ZNF600: variants seen among roughly 807,000 people sequenced by gnomAD.
ZNF600 encodes the protein zinc finger protein 600, also known as zinc finger protein KR-ZNF1.
ZNF600 carries 4 observed loss-of-function variants against 7.3 expected under a neutral mutation model. The ratio of observed to expected loss-of-function variants is 0.55; its 90% CI spans 0.27 to 1.25. The LOEUF is 1.25. Among genes scored for constraint, ZNF600 ranks in the 50% most tolerant of loss-of-function variants. ZNF600 has a pLI of 0.12. For missense variants in ZNF600, 911 were observed against 922.1 expected (o/e 0.99, Z 0.16); for synonymous variants, 290 against 308.9 (o/e 0.94, Z 0.64).
At chr19:52,789,305 C>T (rs2062785745), upstream of ZNF600, among the ~76,000 whole-genome samples, 2 of 152,224 alleles carry the variant, frequency 1.3e-5, no homozygotes, top group African/African-American at 4.8e-5. Context: ...GGGAGGAGGA[C>T]AGAGGCAGGA....
At chr19:52,807,894 A>C in the ZNF600 span, 1 of 1,525,152 alleles carries the variant, frequency 6.6e-7, no homozygotes, top group East Asian at 2.3e-5. Flanking sequence ...GAAGCTTTTC[A>C]TTTCAAAATC....
At chr19:52,778,883 T>A (rs529978647) in exon 2 of ZNF600, 1 of 1,604,526 alleles carries the variant, frequency 6.2e-7, no homozygotes. Context: ...CTTCTTCACA[T>A]AACATGAGTC....
the ZNF600 span, chr19:52,810,744 G>C: frequency 3.3e-6 from 2 of 602,302 alleles, no homozygotes; most frequent in Non-Finnish European, 5.8e-6. Flanking sequence ...GAAAAAAAGA[G>C]GAAAGAAGGG....
chr19:52,793,764 CCACACACACA>C, the ZNF600 span, among the ~76,000 whole-genome samples: 4,583 of 138,714 alleles, frequency 0.033, 101 homozygotes, highest in South Asian at 0.093. Context: ...CCAAACTCTG[CCACACACACA>C]CACACACACA....
the ZNF600 span, chr19:52,801,469 G>A: frequency 6.2e-7 from 1 of 1,614,154 alleles, no homozygotes; most frequent in Non-Finnish European, 8.5e-7. Flanking sequence ...CTTTGATCAT[G>A]TTGGCCTGTA....
chr19:52,821,929 T>TAA, the ZNF600 span, among the ~76,000 whole-genome samples: 2 of 92,152 alleles, frequency 2.2e-5, no homozygotes, highest in African/African-American at 7.6e-5. Context: ...AATAAAAAAA[T>TAA]AATAAAAAAA....
At chr19:52,807,538 T>A in the ZNF600 span, among the ~76,000 whole-genome samples, 1 of 152,178 alleles carries the variant, frequency 6.6e-6, no homozygotes, top group African/African-American at 2.4e-5. Context: ...CAGTGGTGTG[T>A]TCTCAGCTCA....
intron 1 of ZNF600, among the ~76,000 whole-genome samples, chr19:52,779,302 C>A (rs773088014): frequency 3.9e-5 from 6 of 152,228 alleles, no homozygotes; most frequent in Non-Finnish European, 7.3e-5. Context: ...ATGACAAGCA[C>A]CTGCGCCACT....
chr19:52,780,959 A>C (rs1216993135), intron 1 of ZNF600: 1 of 152,172 alleles, frequency 6.6e-6, no homozygotes. Flanking sequence ...TTAGAAAGCC[A>C]CTCGTGGACA....
At chr19:52,809,001 T>C in the ZNF600 span, among the ~76,000 whole-genome samples, 1 of 152,188 alleles carries the variant, frequency 6.6e-6, no homozygotes, top group Non-Finnish European at 1.5e-5. Context: ...TGTGTATATA[T>C]GTATTTGTAT....
chr19:52,802,768 T>G, the ZNF600 span, among the ~76,000 whole-genome samples: 2 of 151,586 alleles, frequency 1.3e-5, no homozygotes, highest in African/African-American at 4.8e-5. Context: ...TGACTTTTTT[T>G]TTTTTTTTTT....
At chr19:52,799,084 C>A in the ZNF600 span, 1 of 430,832 alleles carries the variant, frequency 2.3e-6, no homozygotes, top group South Asian at 2.2e-5. Context: ...ACAACTTTGT[C>A]ACAGTCTTCA....
Position 52,778,466 on chromosome 19 carries a change from T to C in ZNF600, c.63+360A>G, listed in dbSNP as rs144028537. ...AGATATCTGTGTACACTAACATATG[T>C]ATTTCATATGTAGTTTCTCTGATCT... On this transcript the variant is annotated intron_variant, in intron 2 of 3. Coordinates refer to ENST00000648973, the Ensembl canonical transcript of ZNF600. Among the ~76,000 whole-genome samples, 7 of 152,324 alleles carry C rather than the reference T, an allele frequency of 4.6e-5. No individual in the cohort carries two copies. The East Asian group carries it at 1.2e-3, about 25-fold the overall frequency.
chr19:52,812,762 T>TTA, the ZNF600 span, among the ~76,000 whole-genome samples: 364 of 75,406 alleles, frequency 4.8e-3, no homozygotes, highest in African/African-American at 1.0e-2. Flanking sequence ...GAATGATCAA[T>TTA]AAAAAAAAAA....
exon 4 of ZNF600, chr19:52,765,499 T>A: frequency 6.3e-7 from 1 of 1,597,144 alleles, no homozygotes; most frequent in East Asian, 2.2e-5. Context: ...CCACATTTAT[T>A]ACACTTGTTA....
chr19:52,809,832 G>A, the ZNF600 span: 11 of 555,996 alleles, frequency 2.0e-5, no homozygotes, highest in Admixed American at 1.1e-4. Context: ...AGGCGGCGGC[G>A]GCGGCGGTGG....
chr19:52,775,362 C>T (rs2147527981), intron 2 of ZNF600, among the ~76,000 whole-genome samples: 1 of 152,158 alleles, frequency 6.6e-6, no homozygotes, highest in East Asian at 1.9e-4. Flanking sequence ...CCATCCTGGT[C>T]AACATGGCAA....
rs187807242 is a variant in ZNF600, at chr19:52,765,471, T to C, written c.*116A>G. The C allele has an allele frequency of 9.2e-4, 1,337 of 1,458,442 alleles. 5 individuals are homozygous for C. The highest frequency in any genetic ancestry group is 3.5e-3 in the Middle Eastern group (20 of 5,720). The allele number at this position is 1,458,442 out of a possible 1,614,324, so 90.3% of individuals were successfully genotyped here. A position where few individuals can be genotyped will look rare whatever the true frequency, so the allele number is the denominator to read the frequency against. On this transcript the variant is annotated 3_prime_UTR_variant, in exon 4 of 4. Coordinates refer to ENST00000648973, the Ensembl canonical transcript of ZNF600. Reference sequence around the variant, plus strand: ...GTGTCAATGAACTGCAATGTATGAATGATGTCTGAAAAATTTGCCACATTT... The same window carrying C: ...GTGTCAATGAACTGCAATGTATGAACGATGTCTGAAAAATTTGCCACATTT...
chr19:52,771,108 C>G (rs1414033469), intron 3 of ZNF600, among the ~76,000 whole-genome samples: 1 of 152,064 alleles, frequency 6.6e-6, no homozygotes, highest in Admixed American at 6.6e-5. Context: ...GCTGGGATTA[C>G]AGGTGTAAGC....
Sources: gnomAD v4.1 joint callset for allele counts (sites outside exome capture counted in the v4.1 genomes callset) on GRCh38, gnomAD v4.1.1 for gene constraint, MANE v1.5 for transcripts, NCBI Gene and HGNC (gene_info 2026-07-23, HGNC 2026-07-21) for gene names.